Variants in EML1 observed in about 807,000 individuals in gnomAD.
The protein encoded by EML1 is echinoderm microtubule-associated protein-like 1.
EML1 carries 27 observed loss-of-function variants against 110.4 expected under a neutral mutation model. That is an observed-to-expected ratio of 0.24 (90% CI 0.18 to 0.34). The LOEUF is 0.34. Ranked by LOEUF, EML1 falls within the 10% of genes least tolerant of loss-of-function variation. The probability of loss-of-function intolerance (pLI) is 1.00; values close to 1 mark genes in which losing one functional copy is unlikely to be tolerated. For missense variants in EML1, 741 were observed against 1,030.9 expected (o/e 0.72, Z 3.85); for synonymous variants, 344 against 385.8 (o/e 0.89, Z 1.27).
At position 99,881,751 on chromosome 14, in the gene EML1, C is replaced by T. The variant is rs2059388117; in HGVS notation, c.518+3132C>T. ...GAGAAGCTGGGACTACAGGTGCGTG[C>T]CACCATGCCCAGCTAAGTTTTATAT... On this transcript the variant is annotated intron_variant, in intron 4 of 21. Coordinates refer to ENST00000262233, the MANE Select transcript of EML1 (RefSeq NM_004434.3). 2.6e-5 allele frequency among the ~76,000 whole-genome samples: 4 copies of T among 152,002 alleles called. No individual in the cohort carries two copies. The South Asian group carries it at 8.3e-4, about 32-fold the overall frequency.
chr14:99,882,405 G>C lies in EML1; in HGVS notation c.518+3786G>C, dbSNP rs573887927. Among the ~76,000 whole-genome samples, 6 of 152,284 alleles carry C rather than the reference G, an allele frequency of 3.9e-5. No homozygotes were observed. The South Asian group carries it at 1.0e-3, about 26-fold the overall frequency. ...CTGGTTCCCCTTTTGTAAGTCTTAA[G>C]GGAATGAGCTATGTCAGCTCTATAA... On this transcript the variant is annotated intron_variant, in intron 4 of 21. Transcript: ENST00000262233.
chr14:99,928,702 C>A (rs556453882), intron 17 of EML1, among the ~76,000 whole-genome samples: 11 of 152,276 alleles, frequency 7.2e-5, no homozygotes, highest in Admixed American at 2.6e-4. Context: ...ACCTTATTGA[C>A]AGCGTCAACT....
intron 17 of EML1, among the ~76,000 whole-genome samples, chr14:99,930,601 G>A (rs2060350602): frequency 6.6e-6 from 1 of 152,228 alleles, no homozygotes; most frequent in South Asian, 2.1e-4. Context: ...AGTCAGCTAA[G>A]TGTTGGCAAA....
At position 99,939,055 on chromosome 14, in the gene EML1, C is replaced by G. The variant is rs1311783938; in HGVS notation, c.2192-142C>G. 6 of 1,275,624 alleles carry G rather than the reference C, an allele frequency of 4.7e-6. No individual in the cohort carries two copies. The highest frequency in any genetic ancestry group is 5.4e-6 in the Non-Finnish European group (5 of 927,310). The allele number at this position is 1,275,624 out of a possible 1,614,324, so 79.0% of individuals were successfully genotyped here. A position where few individuals can be genotyped will look rare whatever the true frequency, so the allele number is the denominator to read the frequency against. On this transcript the variant is annotated intron_variant, in intron 20 of 21. Transcript: ENST00000262233. This position sits in a 1 kb window ranked among gnomAD's most constrained non-coding sequence, Gnocchi z 4.2. ...CACAGCGAGAGGCCAGGAACTGAGG[C>G]TATTGTGCTTTTTTGACCCTTGTTT...
At chr14:99,817,285 C>T (rs1314487453) in intron 1 of EML1, among the ~76,000 whole-genome samples, 1 of 152,208 alleles carries the variant, frequency 6.6e-6, no homozygotes, top group Non-Finnish European at 1.5e-5. Context: ...AAGCTCACAG[C>T]TTGACTGCAC....
Position 99,796,091 on chromosome 14 carries a change from A to G in EML1, c.67+2548A>G, listed in dbSNP as rs991945943. 5.3e-5 allele frequency among the ~76,000 whole-genome samples: 8 copies of G among 151,700 alleles called. No individual in the cohort carries two copies. In the East Asian group the frequency reaches 9.7e-4, roughly 18 times the overall value. ...AATCCTAGCTACTCAGGAGGCTGAG[A>G]TGGGAGGATTGATTGAGCCCAGAAG... is the stretch of plus-strand genomic sequence containing the variant. On this transcript the variant is annotated intron_variant, in intron 1 of 21. Coordinates refer to ENST00000262233, the MANE Select transcript of EML1 (RefSeq NM_004434.3).
chr14:99,909,502 G>C (rs756882205), intron 11 of EML1, 23 bp downstream of exon 11: 6 of 1,613,772 alleles, frequency 3.7e-6, no homozygotes, highest in Middle Eastern at 3.3e-4. Flanking sequence ...TATGATTTTT[G>C]CTTTATTTTT....
intron 2 of EML1, among the ~76,000 whole-genome samples, chr14:99,860,516 A>G (rs1305892599): frequency 6.6e-6 from 1 of 152,074 alleles, no homozygotes; most frequent in African/African-American, 2.4e-5. Flanking sequence ...ACTAGGAGGT[A>G]TTTTTCCTTC....
intron 15 of EML1, among the ~76,000 whole-genome samples, chr14:99,915,650 A>G (rs913045618): frequency 1.3e-5 from 2 of 151,952 alleles, no homozygotes; most frequent in African/African-American, 4.8e-5. Context: ...AGAGAAGTTA[A>G]ATAACTTGCC....
intron 12 of EML1, among the ~76,000 whole-genome samples, chr14:99,910,955 C>T (rs1566933180): frequency 6.6e-6 from 1 of 152,192 alleles, no homozygotes; most frequent in African/African-American, 2.4e-5. Flanking sequence ...TGGAGACGGA[C>T]TTGTAAATGC....
At chr14:99,836,857 T>G (rs2058549236) in intron 1 of EML1, among the ~76,000 whole-genome samples, 1 of 152,106 alleles carries the variant, frequency 6.6e-6, no homozygotes, top group Admixed American at 6.6e-5. Context: ...CAGAGTAGGA[T>G]TTAGTCTTGG....
intron 1 of EML1, among the ~76,000 whole-genome samples, chr14:99,746,820 C>T (rs2057114459): frequency 6.6e-6 from 1 of 152,168 alleles, no homozygotes; most frequent in South Asian, 2.1e-4. Context: ...TGTGTCCCCA[C>T]CCCTCGAGCA....
At chr14:99,739,250 G>A (rs1165885773) in intron 1 of EML1, among the ~76,000 whole-genome samples, 4 of 151,932 alleles carry the variant, frequency 2.6e-5, no homozygotes, top group African/African-American at 4.8e-5. Flanking sequence ...CCGGGGCTGC[G>A]GGAGCCCCGG....
intron 1 of EML1, among the ~76,000 whole-genome samples, chr14:99,749,923 G>T (rs2057156289): frequency 6.6e-6 from 1 of 152,202 alleles, no homozygotes; most frequent in Non-Finnish European, 1.5e-5. Flanking sequence ...TCCCCGATGG[G>T]GTGACATCGT....
chr14:99,907,577 A>T, intron 9 of EML1, 61 bp from the exon 10 acceptor site: 1 of 1,422,254 alleles, frequency 7.0e-7, no homozygotes, highest in Non-Finnish European at 9.8e-7. Context: ...GTTTATTTTT[A>T]ATCATGTTCA....
rs1478764824 is a variant in EML1 at position 99,937,859 on chromosome 14, C to T, written c.2138C>T (p.Thr713Ile). The T allele has an allele frequency of 5.0e-6, 8 of 1,614,054 alleles. No homozygotes were observed. In the African/African-American group the frequency reaches 8.0e-5, roughly 16 times the overall value. ...AAGCAAGTCGTAAGTGTGGAAACTA[C>T]AAGAGACATTGAATGGGCTACCTAT... Reference protein sequence around the residue: ...ACKQVVSVETTRDIEWATYTC... With the variant: ...ACKQVVSVETIRDIEWATYTC... The change falls in exon 20 of 22, where the codon ACA becomes ATA. Residue 713 changes from threonine (T) to isoleucine (I), a missense_variant. Thr to Ile is a moderately conservative substitution (Grantham distance 89). This residue lies in a region of EML1 where 388 missense variants were observed against 605.6 expected (regional missense o/e 0.64). Transcript: ENST00000262233.
At chr14:99,874,068 A>G (rs973463781) in intron 3 of EML1, among the ~76,000 whole-genome samples, 1 of 152,218 alleles carries the variant, frequency 6.6e-6, no homozygotes, top group Non-Finnish European at 1.5e-5. Context: ...AATTTTGGAA[A>G]ATCAATTTTT....
upstream of EML1, among the ~76,000 whole-genome samples, chr14:99,793,056 C>T (rs911837247): frequency 6.6e-6 from 1 of 151,458 alleles, no homozygotes; most frequent in African/African-American, 2.4e-5. Context: ...CCCGCGCCCC[C>T]GCAAGGGCCG....
At chr14:99,785,967 A>AG (rs2057594506) in intron 1 of EML1, among the ~76,000 whole-genome samples, 1 of 151,678 alleles carries the variant, frequency 6.6e-6, no homozygotes, top group Non-Finnish European at 1.5e-5. Context: ...ATCAATTACA[A>AG]GGACGAAGGA....
Sources: allele counts gnomAD v4.1 joint callset (sites outside exome capture counted in the v4.1 genomes callset), GRCh38; gene constraint gnomAD v4.1.1; regional missense constraint gnomAD v4.1.1; non-coding constraint Gnocchi (gnomAD v3.1); transcripts MANE v1.5; gene names NCBI Gene and HGNC (gene_info 2026-07-23, HGNC 2026-07-21).